SPAG5: variants seen among roughly 807,000 people sequenced by gnomAD.
SPAG5 encodes the protein sperm associated antigen 5.
A neutral mutation model predicts 145.4 loss-of-function variants in SPAG5; 99 were observed. The observed-to-expected ratio is 0.68, with a 90% CI of 0.58 to 0.80. The LOEUF (loss-of-function observed/expected upper bound fraction) is 0.80, where lower values mean the gene tolerates loss of function less well. SPAG5 is among the 30% of genes least tolerant of loss of function. SPAG5 has a pLI of 0.00. For synonymous variants in SPAG5, 477 were observed against 525.4 expected, an observed-to-expected ratio of 0.91 and a Z score of 1.26; for missense variants, 1,192 against 1,416.0, an observed-to-expected ratio of 0.84 and a Z score of 2.54.
In SPAG5 at chr17:28,596,451, T is replaced by C. The variant is rs549614074; in HGVS notation, c.177+2059A>G. Among the ~76,000 whole-genome samples, 37 of 152,244 alleles carry C rather than the reference T, an allele frequency of 2.4e-4. 1 individual carries two copies. The highest frequency in any genetic ancestry group is 8.4e-4 in the African/African-American group (35 of 41,550). ...GGGAGGCTGAGGTGGGCGGATCACC[T>C]GAGGTCAGGAATTCGAGACAAGCCT... On this transcript the variant is annotated intron_variant, in intron 2 of 23. Transcript: ENST00000321765.
chr17:28,585,540 G>A lies in SPAG5; in HGVS notation c.1854C>T (p.Thr618=), dbSNP rs1238605389. 1 of 1,614,008 alleles carries A rather than the reference G, an allele frequency of 6.2e-7. No homozygotes were observed. Among genetic ancestry groups the A allele is most frequent in the Non-Finnish European group, 8.5e-7 (1 of 1,180,036 alleles). The change falls in exon 8 of 24, where the codon ACC becomes ACT. Residue 618 remains threonine, a synonymous_variant. Coordinates refer to ENST00000321765, the MANE Select transcript of SPAG5 (RefSeq NM_006461.4). Reference sequence around the variant, plus strand: ...GAAAATGCCCTTAAATTACCAGTTGGGTCTGGGCATCCTTCAGAAGGCCTC... The same window carrying A: ...GAAAATGCCCTTAAATTACCAGTTGAGTCTGGGCATCCTTCAGAAGGCCTC... ...EFRGLLKDAQ[T]QLVGLHAKQE... is the part of the protein sequence containing the mutation.
chr17:28,583,411 C>A, intron 15 of SPAG5, 100 bp downstream of exon 15: 1 of 1,343,212 alleles, frequency 7.4e-7, no homozygotes, highest in Non-Finnish European at 1.0e-6. Flanking sequence ...TAACTGAAAT[C>A]ATAAAAGGTC....
At chr17:28,593,821 G>C (rs1047414751) in intron 2 of SPAG5, among the ~76,000 whole-genome samples, 3 of 151,858 alleles carry the variant, frequency 2.0e-5, no homozygotes, top group African/African-American at 7.3e-5. Flanking sequence ...AAAAAAACGA[G>C]TACTTAAGCT....
intron 14 of SPAG5, 36 bp from the exon 15 acceptor site, chr17:28,583,685 A>G (rs372704742): frequency 1.3e-6 from 2 of 1,572,760 alleles, no homozygotes; most frequent in African/African-American, 1.4e-5. Flanking sequence ...CCAAAGACCA[A>G]ATTACCTTCT....
rs754650077 is a variant in SPAG5 at position 28,585,304 on chromosome 17, G to A, written c.1953+15C>T. 2.5e-6 allele frequency: 4 copies of A among 1,612,014 alleles called. No individual in the cohort carries two copies. Among genetic ancestry groups the A allele is most frequent in the Non-Finnish European group, 2.5e-6 (3 of 1,178,066 alleles). On this transcript the variant is annotated intron_variant, in intron 9 of 23. Transcript: ENST00000321765. ...TGTGAGTAAGGAATTAGTTATGATG[G>A]TCCCAAATACTCACATCCAGTTGCA...
rs1334728324 is a variant in SPAG5 at position 28,579,373 on chromosome 17, C to T, written c.2997G>A (p.Gln999=). The T allele has an allele frequency of 6.2e-7, 1 of 1,614,112 alleles. No individual in the cohort carries two copies. Among genetic ancestry groups the T allele is most frequent in the African/African-American group, 1.3e-5 (1 of 75,060 alleles). Reference sequence around the variant, plus strand: ...AACTGCATCCCACTCACATTTTTCGCTGCAGAGTCCTGATGGCTTCTTCTT... The same window carrying T: ...AACTGCATCCCACTCACATTTTTCGTTGCAGAGTCCTGATGGCTTCTTCTT... The part of the protein sequence containing the change: ...ESKEEAIRTL[Q]RKICELQARL... Residue 999 remains glutamine (Q), a synonymous_variant, in exon 18 of 24, where the codon CAG becomes CAA. Coordinates refer to ENST00000321765, the MANE Select transcript of SPAG5 (RefSeq NM_006461.4).
chr17:28,583,881 T>C lies in SPAG5; in HGVS notation c.2518A>G (p.Asn840Asp). ...VLRERSLQCE[N>D]LKDTVENLTA... is the part of the protein sequence containing the mutation. ...AGGTTCTCTACAGTGTCCTTGAGGT[T>C]CTCACACTGCAAGCTGCGCTCCCGG... Residue 840 changes from asparagine to aspartate, a missense_variant, in exon 14 of 24, where the codon AAC becomes GAC. Around this residue, in one of 5 missense-constraint regions of SPAG5, gnomAD observed 709 missense variants for 840.7 expected, o/e 0.84. Transcript: ENST00000321765. The C allele has an allele frequency of 6.2e-7, 1 of 1,614,172 alleles. No homozygotes were observed. Among genetic ancestry groups the C allele is most frequent in the Non-Finnish European group, 8.5e-7 (1 of 1,180,010 alleles).
In SPAG5 at chr17:28,587,214, G is replaced by A. The variant is rs1291093079; in HGVS notation, c.1438-715C>T. 1.6e-4 allele frequency among the ~76,000 whole-genome samples: 23 copies of A among 145,298 alleles called. No individual in the cohort carries two copies. The South Asian group carries it at 1.8e-3, about 12-fold the overall frequency. On this transcript the variant is annotated intron_variant, in intron 4 of 23. Transcript: ENST00000321765. ...GGATCACTTGGGTCCGGGAGTTCAA[G>A]ACCAGCCTGGGCAACACAGTGAAAC...
intron 4 of SPAG5, among the ~76,000 whole-genome samples, chr17:28,589,802 C>T (rs1221475121): frequency 6.6e-6 from 1 of 152,080 alleles, no homozygotes; most frequent in African/African-American, 2.4e-5. Flanking sequence ...GTCCTAGCTA[C>T]CCAGGAGGCT....
chr17:28,596,200 CAA>C (rs878985394), intron 2 of SPAG5, among the ~76,000 whole-genome samples: 1 of 140,828 alleles, frequency 7.1e-6, no homozygotes, highest in African/African-American at 2.6e-5. Flanking sequence ...GTGAGACTCT[CAA>C]AAAAAAAAAA....
At chr17:28,588,620 A>T (rs1425344117) in intron 4 of SPAG5, among the ~76,000 whole-genome samples, 1 of 152,192 alleles carries the variant, frequency 6.6e-6, no homozygotes, top group African/African-American at 2.4e-5. Flanking sequence ...GGTGCTATCA[A>T]TTCCTTCACC....
chr17:28,592,639 A>T lies in SPAG5; in HGVS notation c.605T>A (p.Leu202Ter). Residue 202 changes from leucine to a stop codon, truncating the protein, a stop_gained, in exon 3 of 24, where the codon TTA (leucine) becomes TAA (stop). Transcript: ENST00000321765. LOFTEE classifies it high-confidence loss of function. ...ACAGGGATTTGGTGGAGACTCCTCT[A>T]AGAGATGGGACGGAGATTCCTGAAA... ...PIFQESPSHL[L>*]EESPPNPCSE... The T allele has an allele frequency of 6.2e-7, 1 of 1,614,132 alleles. No individual in the cohort carries two copies. Among genetic ancestry groups the T allele is most frequent in the Non-Finnish European group, 8.5e-7 (1 of 1,180,018 alleles).
Position 28,578,202 on chromosome 17 carries a change from G to C in SPAG5, c.3429+16C>G. On this transcript the variant is annotated intron_variant, in intron 22 of 23. Transcript: ENST00000321765. ...GATGGTAGGAAATGGCCCTGGAATG[G>C]CATGGACATTCTTACATGGCTCTGG... 1 of 1,613,164 alleles carries C rather than the reference G, an allele frequency of 6.2e-7. No homozygotes were observed.
chr17:28,583,588 A>C lies in SPAG5; in HGVS notation c.2608T>G (p.Tyr870Asp). 1 of 1,613,840 alleles carries C rather than the reference A, an allele frequency of 6.2e-7. No individual in the cohort carries two copies. The highest frequency in any genetic ancestry group is 8.5e-7 in the Non-Finnish European group (1 of 1,179,914). ...QEQDLEKTRQ[Y>D]SQKLGLLTEQ... ...GTCAGCAGCCCTAGCTTTTGAGAGT[A>C]CTGCCGTGTTTTCTCCAGATCTTGC... Residue 870 changes from tyrosine (Y) to aspartate (D), a missense_variant, in exon 15 of 24, where the codon TAC (tyrosine) becomes GAC (aspartate). Tyr to Asp is a radical substitution (Grantham distance 160). Coordinates refer to ENST00000321765, the MANE Select transcript of SPAG5 (RefSeq NM_006461.4).
At chr17:28,583,168 T>C (rs2070559538) in intron 15 of SPAG5, among the ~76,000 whole-genome samples, 1 of 152,170 alleles carries the variant, frequency 6.6e-6, no homozygotes, top group Non-Finnish European at 1.5e-5. Context: ...TTTGTAGAGA[T>C]GGTTTTCACC....
At chr17:28,577,949 C>T in intron 23 of SPAG5, 61 bp downstream of exon 23, 1 of 1,429,680 alleles carries the variant, frequency 7.0e-7, no homozygotes, top group Non-Finnish European at 9.9e-7. Flanking sequence ...CTCATTAGTA[C>T]CTCCTGGGGC....
At position 28,598,954 on chromosome 17, in the gene SPAG5, C is replaced by G. The variant is rs1166761800; in HGVS notation, c.-8G>C. 6.2e-7 allele frequency: 1 copy of G among 1,613,956 alleles called. No homozygotes were observed. Among genetic ancestry groups the G allele is most frequent in the South Asian group, 1.1e-5 (1 of 91,076 alleles). On this transcript the variant is annotated 5_prime_UTR_variant, in exon 1 of 24. Transcript: ENST00000321765. ...TTTTTTCACTCGCCACATCTTCAAC[C>G]AGAAGGCAGGCCTATCACGTCTCAG...
Position 28,586,410 on chromosome 17 carries a change from T to A in SPAG5, c.1512+15A>T. ...CAGGAGACCCAGTGGTGGTGTAAGG[T>A]CAATCATCACTTACCATGACATTTC... On this transcript the variant is annotated intron_variant, in intron 5 of 23. Coordinates refer to ENST00000321765, the MANE Select transcript of SPAG5 (RefSeq NM_006461.4). 1.2e-6 allele frequency: 2 copies of A among 1,600,408 alleles called. No homozygotes were observed. Among genetic ancestry groups the A allele is most frequent in the Non-Finnish European group, 1.7e-6 (2 of 1,167,516 alleles).
At position 28,577,748 on chromosome 17, in the gene SPAG5, A is replaced by C. The variant is rs368189335; in HGVS notation, c.3533T>G (p.Val1178Gly). 2 of 1,613,712 alleles carry C rather than the reference A, an allele frequency of 1.2e-6. No homozygotes were observed. The highest frequency in any genetic ancestry group is 1.7e-6 in the Non-Finnish European group (2 of 1,179,828). Residue 1178 changes from valine to glycine, a missense_variant, in exon 24 of 24, where the codon GTG becomes GGG. Val to Gly is a moderately radical substitution (Grantham distance 109). Transcript: ENST00000321765. ...IYKTLLSIPE[V>G]VRGCKELQGL... Reference sequence around the variant, plus strand: ...CTGTAGTTCTTTGCATCCCCTCACCACCTCTGGAATAGAGAGCAGGGTCTG... The same window carrying C: ...CTGTAGTTCTTTGCATCCCCTCACCCCCTCTGGAATAGAGAGCAGGGTCTG...
Sources: allele counts gnomAD v4.1 joint callset (sites outside exome capture counted in the v4.1 genomes callset), GRCh38; gene constraint gnomAD v4.1.1; regional missense constraint gnomAD v4.1.1; transcripts MANE v1.5; gene names NCBI Gene and HGNC (gene_info 2026-07-23, HGNC 2026-07-21).